Variants in OSTN observed in about 807,000 individuals in gnomAD.
OSTN encodes osteocrin.
OSTN carries 9 observed loss-of-function variants against 12.0 expected under a neutral mutation model. That is an observed-to-expected ratio of 0.75 (90% CI 0.45 to 1.30). The LOEUF is 1.30. OSTN is among the 50% of genes most tolerant of loss of function. OSTN has a pLI of 0.00. For synonymous variants in OSTN, 59 were observed against 56.9 expected (o/e 1.04, Z -0.16); for missense variants, 148 against 152.3 (o/e 0.97, Z 0.15).
At chr3:191,243,281 A>G (rs1236863363) in intron 3 of OSTN, among the ~76,000 whole-genome samples, 1 of 152,228 alleles carries the variant, frequency 6.6e-6, no homozygotes, top group Non-Finnish European at 1.5e-5. Flanking sequence ...CATAGCTGTC[A>G]ATTATACTAC....
chr3:191,241,218 G>T (rs1461710776), intron 3 of OSTN, among the ~76,000 whole-genome samples: 42 of 111,690 alleles, frequency 3.8e-4, no homozygotes, highest in African/African-American at 1.3e-3. Flanking sequence ...TTGCTCTGTC[G>T]CCCAGGCTGG....
chr3:191,217,776 G>A (rs1048906973), intron 2 of OSTN, among the ~76,000 whole-genome samples: 2 of 152,164 alleles, frequency 1.3e-5, no homozygotes, highest in African/African-American at 4.8e-5. Flanking sequence ...ATAAATCACA[G>A]GGATAGAGAT....
At position 191,232,601 on chromosome 3, in the gene OSTN, CA is replaced by C. The variant is rs770270251; in HGVS notation, c.317+13641del. On this transcript the variant is annotated intron_variant, in intron 3 of 4. Coordinates refer to ENST00000682035, the MANE Select transcript of OSTN (RefSeq NM_198184.2). ...CTAGGCTGAAGGGCAGTGACTAAAT[CA>C]TTTTTTTTTTTTTTTGAGACGCAGT... 4.7e-4 allele frequency among the ~76,000 whole-genome samples: 63 copies of C among 134,290 alleles called. 2 individuals are homozygous for C. Among genetic ancestry groups the C allele is most frequent in the Non-Finnish European group, 6.2e-4 (39 of 62,768 alleles). 88.1% of individuals were successfully genotyped at this position (134,290 alleles called of 152,430 possible).
intron 3 of OSTN, among the ~76,000 whole-genome samples, chr3:191,222,363 T>A (rs889255681): frequency 6.6e-6 from 1 of 152,180 alleles, no homozygotes; most frequent in African/African-American, 2.4e-5. Flanking sequence ...ATGTGAGACA[T>A]GAAGTCAAAG....
rs577114964 is a variant in OSTN, at chr3:191,247,063, A to C, written c.318-2974A>C. Among the ~76,000 whole-genome samples the C allele has an allele frequency of 5.9e-5, 9 of 152,368 alleles. No individual in the cohort carries two copies. The South Asian group carries it at 1.9e-3, about 32-fold the overall frequency. The stretch of plus-strand genomic sequence containing the variant: ...GATTATGAAGTGGACATCTCTGAGA[A>C]GTCATTATTCTGACTACCACGAGGA... On this transcript the variant is annotated intron_variant, in intron 3 of 4. Coordinates refer to ENST00000682035, the MANE Select transcript of OSTN (RefSeq NM_198184.2).
intron 4 of OSTN, among the ~76,000 whole-genome samples, chr3:191,261,431 T>C (rs1461400797): frequency 1.3e-5 from 2 of 152,164 alleles, no homozygotes; most frequent in Non-Finnish European, 2.9e-5. Flanking sequence ...GAGGCTTGGC[T>C]AGCAAAGGTA....
intron 3 of OSTN, chr3:191,228,711 C>A (rs1181977229): frequency 6.6e-6 from 1 of 152,118 alleles, no homozygotes; most frequent in African/African-American, 2.4e-5. Context: ...GACATTAAAC[C>A]TACCTTTCTT....
In OSTN at chr3:191,239,275, C is replaced by A. The variant is rs552606652; in HGVS notation, c.318-10762C>A. ...TGGAATTTTGAGGGGTTTTAAATAC[C>A]CTCTAGAGGATTCCATTGGTTACTT... On this transcript the variant is annotated intron_variant, in intron 3 of 4. Coordinates refer to ENST00000682035, the MANE Select transcript of OSTN (RefSeq NM_198184.2). Among the ~76,000 whole-genome samples, 11 of 151,878 alleles carry A rather than the reference C, an allele frequency of 7.2e-5. No homozygotes were observed. In the South Asian group the frequency reaches 2.3e-3, roughly 32 times the overall value.
intron 3 of OSTN, chr3:191,229,619 A>T (rs1026599227): frequency 1.3e-5 from 2 of 152,210 alleles, no homozygotes; most frequent in African/African-American, 2.4e-5. Flanking sequence ...AGCAGATTAG[A>T]CCTAGTAAAA....
intron 4 of OSTN, among the ~76,000 whole-genome samples, chr3:191,261,221 T>A (rs899799178): frequency 2.0e-5 from 3 of 152,162 alleles, no homozygotes; most frequent in Non-Finnish European, 4.4e-5. Flanking sequence ...ATCACTGACA[T>A]GCGGCAGATG....
chr3:191,235,194 T>C (rs1420831256), intron 3 of OSTN, among the ~76,000 whole-genome samples: 1 of 152,222 alleles, frequency 6.6e-6, no homozygotes, highest in South Asian at 2.1e-4. Flanking sequence ...TTAATGGCTC[T>C]ACTGGCCACA....
Position 191,232,129 on chromosome 3 carries a change from G to A in OSTN, c.317+13168G>A, listed in dbSNP as rs192920940. 4.0e-5 allele frequency among the ~76,000 whole-genome samples: 6 copies of A among 151,852 alleles called. 1 individual carries two copies. Among genetic ancestry groups the A allele is most frequent in the Admixed American group, 2.0e-4 (3 of 15,238 alleles). ...GCAGAGCACCTGAGGTTAGGAGTTCGTGACCAGCCTGGCCAACGTGGTGAA... is the reference window on the plus strand; with the variant it reads ...GCAGAGCACCTGAGGTTAGGAGTTCATGACCAGCCTGGCCAACGTGGTGAA... On this transcript the variant is annotated intron_variant, in intron 3 of 4. Coordinates refer to ENST00000682035, the MANE Select transcript of OSTN (RefSeq NM_198184.2).
intron 4 of OSTN, among the ~76,000 whole-genome samples, chr3:191,260,305 C>T (rs922175110): frequency 1.4e-5 from 2 of 144,322 alleles, no homozygotes; most frequent in South Asian, 2.3e-4. Flanking sequence ...CCAGTAACAA[C>T]TCAATCCAAA....
chr3:191,252,407 A>G (rs552881020), intron 4 of OSTN, among the ~76,000 whole-genome samples: 54 of 152,300 alleles, frequency 3.5e-4, no homozygotes, highest in Admixed American at 1.9e-3. Context: ...AATTTCAGCA[A>G]CTACCAAACT....
chr3:191,246,393 G>A (rs1715432328), intron 3 of OSTN, among the ~76,000 whole-genome samples: 1 of 151,976 alleles, frequency 6.6e-6, no homozygotes, highest in Admixed American at 6.6e-5. Context: ...ATTGCCTGAG[G>A]TCAGGAGTTT....
chr3:191,214,088 T>C (rs16866339), intron 2 of OSTN, among the ~76,000 whole-genome samples: 1,562 of 152,120 alleles, frequency 0.01, 35 homozygotes, highest in East Asian at 0.084. Context: ...AAAAGTGGTA[T>C]TGGGGATAAC....
intron 3 of OSTN, chr3:191,228,573 C>T (rs1286072645): frequency 1.3e-5 from 2 of 152,288 alleles, no homozygotes; most frequent in Admixed American, 1.3e-4. Flanking sequence ...ATTTTTACTA[C>T]TTCAACAAAA....
intron 3 of OSTN, among the ~76,000 whole-genome samples, chr3:191,231,778 G>T (rs1345315743): frequency 6.6e-6 from 1 of 152,112 alleles, no homozygotes; most frequent in Non-Finnish European, 1.5e-5. Context: ...TGTGCTTAAA[G>T]ATCACATACA....
intron 3 of OSTN, among the ~76,000 whole-genome samples, chr3:191,249,230 C>T (rs1446596735): frequency 6.6e-6 from 1 of 152,160 alleles, no homozygotes; most frequent in Admixed American, 6.5e-5. Flanking sequence ...TCTCTTAACT[C>T]CAAGGCCAGT....
Sources: gnomAD v4.1 joint callset for allele counts (sites outside exome capture counted in the v4.1 genomes callset) on GRCh38, gnomAD v4.1.1 for gene constraint, MANE v1.5 for transcripts, NCBI Gene and HGNC (gene_info 2026-07-23, HGNC 2026-07-21) for gene names.